Variants in LAMA2 observed in about 807,000 individuals in gnomAD.
The protein encoded by LAMA2 is laminin subunit alpha-2.
A neutral mutation model predicts 364.8 loss-of-function variants in LAMA2; 269 were observed. The observed-to-expected ratio is 0.74, with a 90% CI of 0.67 to 0.82. The LOEUF (loss-of-function observed/expected upper bound fraction) is 0.82, where lower values mean the gene tolerates loss of function less well. LAMA2 is among the 40% of genes least tolerant of loss of function. The pLI, the probability that LAMA2 is intolerant of heterozygous loss-of-function variation, is 0.00. For synonymous variants in LAMA2, 1,379 were observed against 1,370.6 expected (o/e 1.01, Z -0.14); for missense variants, 3,807 against 3,873.2 (o/e 0.98, Z 0.45).
intron 20 of LAMA2, among the ~76,000 whole-genome samples, chr6:129,295,328 TAG>T (rs1179109146): frequency 6.6e-6 from 1 of 152,198 alleles, no homozygotes; most frequent in African/African-American, 2.4e-5. Context: ...ATATGAATGC[TAG>T]TTCTTATTAC....
chr6:129,363,466 C>T (rs942788727), intron 32 of LAMA2, among the ~76,000 whole-genome samples: 1 of 152,180 alleles, frequency 6.6e-6, no homozygotes, highest in East Asian at 1.9e-4. Context: ...CTGATCCACA[C>T]CAATGTTGTC....
At chr6:128,988,534 T>C (rs1441281163) in intron 1 of LAMA2, among the ~76,000 whole-genome samples, 1 of 152,212 alleles carries the variant, frequency 6.6e-6, no homozygotes, top group Admixed American at 6.5e-5. Flanking sequence ...GCAGAGATGC[T>C]ACTGTCAGCA....
At chr6:129,014,077 A>T (rs1784931785) in intron 1 of LAMA2, among the ~76,000 whole-genome samples, 1 of 152,164 alleles carries the variant, frequency 6.6e-6, no homozygotes, top group South Asian at 2.1e-4. Context: ...AACTGCATGG[A>T]TGGTGATGTC....
At chr6:129,124,632 C>G (rs1263051180) in intron 4 of LAMA2, among the ~76,000 whole-genome samples, 1 of 152,168 alleles carries the variant, frequency 6.6e-6, no homozygotes, top group Non-Finnish European at 1.5e-5. Flanking sequence ...TCAGCAGCCA[C>G]CAAGCTGTGT....
chr6:129,433,731 A>G (rs1781708657), intron 41 of LAMA2, among the ~76,000 whole-genome samples: 1 of 152,196 alleles, frequency 6.6e-6, no homozygotes, highest in African/African-American at 2.4e-5. Flanking sequence ...GGAAATATAA[A>G]AACGAAATAA....
intron 29 of LAMA2, among the ~76,000 whole-genome samples, chr6:129,340,723 G>T (rs549801670): frequency 6.6e-6 from 1 of 151,010 alleles, no homozygotes; most frequent in Non-Finnish European, 1.5e-5. Flanking sequence ...TGTAGTACCA[G>T]CTACTCGGGA....
At chr6:129,344,826 G>T (rs1776454693) in intron 30 of LAMA2, among the ~76,000 whole-genome samples, 1 of 152,168 alleles carries the variant, frequency 6.6e-6, no homozygotes, top group African/African-American at 2.4e-5. Flanking sequence ...TGAATATGGT[G>T]GCAATTGACT....
In LAMA2 at chr6:129,049,904, TC is replaced by T; in HGVS notation, c.113-12del. The stretch of plus-strand genomic sequence containing the variant: ...TTTCTGGTCTACACACCTTCATTTG[TC>T]CATCTTTTTCAGGTTTATTCCCTGC... On this transcript the variant is annotated splice_polypyrimidine_tract_variant and intron_variant, in intron 1 of 64. Coordinates refer to ENST00000421865, the MANE Select transcript of LAMA2 (RefSeq NM_000426.4). 6.2e-7 allele frequency: 1 copy of T among 1,611,692 alleles called. No individual in the cohort carries two copies. The highest frequency in any genetic ancestry group is 8.5e-7 in the Non-Finnish European group (1 of 1,177,792).
At chr6:129,087,842 C>T (rs1458999848) in intron 3 of LAMA2, among the ~76,000 whole-genome samples, 1 of 149,816 alleles carries the variant, frequency 6.7e-6, no homozygotes, top group African/African-American at 2.4e-5. Context: ...GAAAATGGGG[C>T]AATACATAAG....
chr6:128,974,130 T>C (rs1782372147), intron 1 of LAMA2, among the ~76,000 whole-genome samples: 2 of 152,196 alleles, frequency 1.3e-5, no homozygotes, highest in African/African-American at 2.4e-5. Context: ...AGTATGCTAG[T>C]TGGCCTTAGA....
At chr6:129,066,053 T>C (rs1327265335) in intron 3 of LAMA2, among the ~76,000 whole-genome samples, 1 of 101,102 alleles carries the variant, frequency 9.9e-6, no homozygotes, top group Non-Finnish European at 2.1e-5. Context: ...TTTTTTTTTT[T>C]TTTTTTTTTT....
At chr6:129,040,676 T>G (rs566899727) in intron 1 of LAMA2, among the ~76,000 whole-genome samples, 1 of 152,218 alleles carries the variant, frequency 6.6e-6, no homozygotes, top group South Asian at 2.1e-4. Context: ...TGAGTGACAG[T>G]TAAAGAAACT....
At chr6:129,299,611 C>G (rs566687407) in intron 21 of LAMA2, among the ~76,000 whole-genome samples, 72 of 152,198 alleles carry the variant, frequency 4.7e-4, no homozygotes, top group Non-Finnish European at 9.4e-4. Context: ...TAAATTTAAA[C>G]ATAATGGTAA....
At chr6:129,355,509 G>A (rs1459631464) in intron 32 of LAMA2, among the ~76,000 whole-genome samples, 3 of 152,096 alleles carry the variant, frequency 2.0e-5, no homozygotes, top group African/African-American at 7.2e-5. Context: ...AGCTAAATTA[G>A]TGCAAGAGAC....
chr6:129,460,394 T>C, intron 49 of LAMA2, 70 bp downstream of exon 49: 1 of 1,445,890 alleles, frequency 6.9e-7, no homozygotes, highest in Non-Finnish European at 9.7e-7. Flanking sequence ...TATTGCATAA[T>C]ATTCTATTAT....
chr6:129,095,437 A>C (rs2114867572), intron 3 of LAMA2, among the ~76,000 whole-genome samples: 1 of 152,352 alleles, frequency 6.6e-6, no homozygotes, highest in Non-Finnish European at 1.5e-5. Flanking sequence ...CTGTTACATT[A>C]GGATTAGAGA....
chr6:129,278,341 G>A (rs1788471508), intron 17 of LAMA2, among the ~76,000 whole-genome samples: 1 of 152,176 alleles, frequency 6.6e-6, no homozygotes, highest in Admixed American at 6.5e-5. Context: ...CCACAGAGGT[G>A]GGAAACCCAG....
chr6:129,108,624 A>T (rs537935812), intron 4 of LAMA2, among the ~76,000 whole-genome samples: 15 of 151,972 alleles, frequency 9.9e-5, no homozygotes, highest in Non-Finnish European at 1.9e-4. Flanking sequence ...CTTCCCTTTT[A>T]AGGGAACTTA....
intron 60 of LAMA2, among the ~76,000 whole-genome samples, chr6:129,503,505 C>T (rs1209394679): frequency 6.6e-6 from 1 of 152,194 alleles, no homozygotes; most frequent in South Asian, 2.1e-4. Context: ...TCCATCACTG[C>T]TATATGGCTG....
Sources: gnomAD v4.1 joint callset for allele counts (sites outside exome capture counted in the v4.1 genomes callset) on GRCh38, gnomAD v4.1.1 for gene constraint, MANE v1.5 for transcripts, NCBI Gene and HGNC (gene_info 2026-07-23, HGNC 2026-07-21) for gene names.